RANBP17: variants seen among roughly 807,000 people sequenced by gnomAD.
RANBP17 encodes RAN binding protein 17.
RANBP17 carries 158 observed loss-of-function variants against 141.2 expected under a neutral mutation model. The ratio of observed to expected loss-of-function variants is 1.12; its 90% CI spans 0.98 to 1.28. The LOEUF (loss-of-function observed/expected upper bound fraction) is 1.28. Among genes scored for constraint, RANBP17 ranks in the 50% most tolerant of loss-of-function variants. The pLI is 0.00. For missense variants in RANBP17, 1,438 were observed against 1,290.7 expected (o/e 1.11, Z -1.75); for synonymous variants, 430 against 450.0 (o/e 0.96, Z 0.56).
intron 25 of RANBP17, among the ~76,000 whole-genome samples, chr5:171,275,712 T>C (rs192475849): frequency 1.2e-4 from 18 of 152,334 alleles, no homozygotes; most frequent in Admixed American, 1.2e-3. Context: ...CAGGCCTAGA[T>C]TAGCATTATA....
chr5:171,226,346 A>T (rs1763877147), intron 22 of RANBP17, among the ~76,000 whole-genome samples: 1 of 152,152 alleles, frequency 6.6e-6, no homozygotes, highest in African/African-American at 2.4e-5. Flanking sequence ...GATTGTTTTC[A>T]TAAGACTGGC....
At position 171,051,135 on chromosome 5, in the gene RANBP17, A is replaced by G. The variant is rs150087920; in HGVS notation, c.1710+82758A>G. ...TTTTTCTTGGCCTTAGTTTTCAGCA[A>G]TATGTCAAAATTGTCTGGGTTTGGA... On this transcript the variant is annotated intron_variant, in intron 14 of 27. Coordinates refer to ENST00000523189, the MANE Select transcript of RANBP17 (RefSeq NM_022897.5). 8.3e-4 allele frequency among the ~76,000 whole-genome samples: 127 copies of G among 152,214 alleles called. 1 individual carries two copies. In the East Asian group the frequency reaches 0.021, roughly 25 times the overall value.
rs561731956 is a variant in RANBP17 at position 170,963,367 on chromosome 5, A to C, written c.1575-4875A>C. On this transcript the variant is annotated intron_variant, in intron 13 of 27. Transcript: ENST00000523189. Reference sequence around the variant, plus strand: ...GAGGTAAATGTAGAAAACAAGAATCACAAAAATACCTGATTCAGGTAAGAC... The same window carrying C: ...GAGGTAAATGTAGAAAACAAGAATCCCAAAAATACCTGATTCAGGTAAGAC... Among the ~76,000 whole-genome samples the C allele has an allele frequency of 3.2e-3, 495 of 152,334 alleles. 2 individuals are homozygous for C. Among genetic ancestry groups the C allele is most frequent in the African/African-American group, 0.011 (465 of 41,580 alleles).
intron 14 of RANBP17, among the ~76,000 whole-genome samples, chr5:171,045,113 C>G (rs1456826075): frequency 2.6e-5 from 4 of 151,966 alleles, no homozygotes; most frequent in African/African-American, 9.7e-5. Context: ...TTAGCTCTGC[C>G]AAACTAATTA....
intron 20 of RANBP17, chr5:171,207,823 A>G (rs948555426): frequency 6.6e-6 from 1 of 152,216 alleles, no homozygotes; most frequent in African/African-American, 2.4e-5. Flanking sequence ...GCAAATATTT[A>G]TAATAATAGT....
intron 14 of RANBP17, among the ~76,000 whole-genome samples, chr5:171,047,965 A>G (rs542450810): frequency 6.6e-6 from 1 of 152,258 alleles, no homozygotes; most frequent in South Asian, 2.1e-4. Context: ...CTGGTTCACA[A>G]ATATTTTCTC....
At chr5:171,273,759 C>G (rs1767283783) in intron 25 of RANBP17, among the ~76,000 whole-genome samples, 1 of 152,194 alleles carries the variant, frequency 6.6e-6, no homozygotes, top group South Asian at 2.1e-4. Flanking sequence ...GTATTTCTCA[C>G]AGCCAACCCA....
intron 1 of RANBP17, among the ~76,000 whole-genome samples, chr5:170,862,475 C>T (rs1766880650): frequency 6.6e-6 from 1 of 152,200 alleles, no homozygotes; most frequent in Admixed American, 6.5e-5. Flanking sequence ...GCCGCGTCGC[C>T]GGCGCGGCTC....
chr5:170,984,346 G>A (rs1777973816), intron 14 of RANBP17, among the ~76,000 whole-genome samples: 1 of 152,076 alleles, frequency 6.6e-6, no homozygotes, highest in Admixed American at 6.6e-5. Context: ...GTGTGTTTAG[G>A]CCAGGCACAG....
chr5:171,018,332 A>G (rs1043679483), intron 14 of RANBP17, among the ~76,000 whole-genome samples: 4 of 152,154 alleles, frequency 2.6e-5, no homozygotes, highest in Non-Finnish European at 4.4e-5. Flanking sequence ...CATTGAATCT[A>G]TGAATTACTT....
intron 14 of RANBP17, among the ~76,000 whole-genome samples, chr5:170,972,268 G>A (rs1031896457): frequency 2.8e-5 from 4 of 141,676 alleles, no homozygotes; most frequent in East Asian, 4.3e-4. Flanking sequence ...TGCAACCTCC[G>A]CTTCCCAGGT....
At chr5:171,192,048 T>G (rs1016629858) in intron 18 of RANBP17, among the ~76,000 whole-genome samples, 2 of 152,248 alleles carry the variant, frequency 1.3e-5, no homozygotes, top group East Asian at 3.8e-4. Context: ...TTTGTTCTTA[T>G]GCCTAATAAT....
intron 16 of RANBP17, among the ~76,000 whole-genome samples, chr5:171,182,700 C>T (rs1047499719): frequency 1.3e-5 from 2 of 152,162 alleles, no homozygotes; most frequent in Admixed American, 1.3e-4. Flanking sequence ...CTATATCCTC[C>T]TAATTATATT....
chr5:171,262,261 G>A (rs543124081), intron 24 of RANBP17, among the ~76,000 whole-genome samples: 2 of 152,216 alleles, frequency 1.3e-5, no homozygotes, highest in Admixed American at 6.5e-5. Context: ...TCGTGACTGG[G>A]ACTTGAAATG....
At chr5:170,891,595 G>A (rs1769612614) in intron 3 of RANBP17, among the ~76,000 whole-genome samples, 1 of 152,180 alleles carries the variant, frequency 6.6e-6, no homozygotes, top group African/African-American at 2.4e-5. Context: ...GGCTGGGGAG[G>A]CCTCAGGAAA....
chr5:171,190,802 C>G (rs757641290), intron 18 of RANBP17, among the ~76,000 whole-genome samples: 1 of 152,158 alleles, frequency 6.6e-6, no homozygotes, highest in East Asian at 1.9e-4. Context: ...ACTATAACAA[C>G]GCTTTTCATT....
At chr5:171,179,812 C>T (rs1175010314) in intron 16 of RANBP17, among the ~76,000 whole-genome samples, 1 of 152,016 alleles carries the variant, frequency 6.6e-6, no homozygotes, top group African/African-American at 2.4e-5. Flanking sequence ...GGGGTAAATA[C>T]TCAGAAAAGG....
intron 18 of RANBP17, among the ~76,000 whole-genome samples, chr5:171,195,140 G>C (rs1367374712): frequency 6.6e-6 from 1 of 152,136 alleles, no homozygotes; most frequent in African/African-American, 2.4e-5. Context: ...GAAAATATTA[G>C]TCTATAAATT....
intron 22 of RANBP17, among the ~76,000 whole-genome samples, chr5:171,236,965 T>C (rs1273012976): frequency 6.6e-6 from 1 of 152,164 alleles, no homozygotes; most frequent in African/African-American, 2.4e-5. Flanking sequence ...CTGAGGCCTG[T>C]GAAAGAAAGC....
Sources: allele counts gnomAD v4.1 joint callset (sites outside exome capture counted in the v4.1 genomes callset), GRCh38; gene constraint gnomAD v4.1.1; transcripts MANE v1.5; gene names NCBI Gene and HGNC (gene_info 2026-07-23, HGNC 2026-07-21).